Variants in FAM151B observed in about 807,000 individuals in gnomAD.
FAM151B encodes the protein protein FAM151B.
FAM151B carries 24 observed loss-of-function variants against 31.2 expected under a neutral mutation model. The observed-to-expected ratio is 0.77, with a 90% CI of 0.56 to 1.08. The LOEUF (loss-of-function observed/expected upper bound fraction) is 1.08. Among genes scored for constraint, FAM151B ranks in the 50% least tolerant of loss-of-function variants. FAM151B has a pLI of 0.00. For missense variants in FAM151B, 293 were observed against 328.6 expected (o/e 0.89, Z 0.84); for synonymous variants, 105 against 111.4 (o/e 0.94, Z 0.36).
At chr5:80,529,806 G>A (rs1365151235) in intron 5 of FAM151B, among the ~76,000 whole-genome samples, 3 of 144,388 alleles carry the variant, frequency 2.1e-5, no homozygotes, top group Admixed American at 6.8e-5. Flanking sequence ...TCTACCAGAG[G>A]TACAAAGAGG....
chr5:80,497,730 G>T (rs186164860), intron 1 of FAM151B, among the ~76,000 whole-genome samples: 1 of 149,810 alleles, frequency 6.7e-6, no homozygotes, highest in Admixed American at 6.7e-5. Flanking sequence ...AATTCTGAAT[G>T]CAGTATGTTT....
At position 80,522,066 on chromosome 5, in the gene FAM151B, C is replaced by T. The variant is rs945619450; in HGVS notation, c.599C>T (p.Thr200Met). Residue 200 changes from threonine to methionine, a missense_variant, in exon 5 of 6, where the codon ACG (threonine) becomes ATG (methionine). Coordinates refer to ENST00000282226, the MANE Select transcript of FAM151B (RefSeq NM_205548.3). ...YICNELSQPVTFPVRAALVRQ... is the reference protein window; with the variant it reads ...YICNELSQPVMFPVRAALVRQ... ...TGTAATGAACTAAGTCAGCCTGTAACGTTCCCTGTCAGAGCAGCATTAGTC... is the reference window on the plus strand; with the variant it reads ...TGTAATGAACTAAGTCAGCCTGTAATGTTCCCTGTCAGAGCAGCATTAGTC... The T allele has an allele frequency of 4.3e-6, 7 of 1,612,418 alleles. No individual in the cohort carries two copies. The highest frequency in any genetic ancestry group is 2.7e-5 in the African/African-American group (2 of 74,872).
chr5:80,527,814 C>A (rs941651692), intron 5 of FAM151B, among the ~76,000 whole-genome samples: 1 of 152,082 alleles, frequency 6.6e-6, no homozygotes, highest in Non-Finnish European at 1.5e-5. Flanking sequence ...TGTACTTAGA[C>A]CATATTAAAT....
rs1199004601 is a variant in FAM151B, at chr5:80,538,444, C to A, written c.672-3229C>A. On this transcript the variant is annotated intron_variant, in intron 5 of 5. Coordinates refer to ENST00000282226, the MANE Select transcript of FAM151B (RefSeq NM_205548.3). ...TCTTTCTTTCTTTCTTTCTTTCTTT[C>A]TTTCTCTTTCTTTCTTTCTTTCTTT... Among the ~76,000 whole-genome samples the A allele has an allele frequency of 7.0e-4, 38 of 54,420 alleles. 1 individual carries two copies. Among genetic ancestry groups the A allele is most frequent in the Non-Finnish European group, 1.0e-4 (3 of 29,448 alleles). 35.7% of individuals were successfully genotyped at this position (54,420 alleles called of 152,430 possible).
intron 5 of FAM151B, among the ~76,000 whole-genome samples, chr5:80,538,468 T>TCTCTCTCTCTCTC (rs1561383757): frequency 1.7e-5 from 2 of 115,244 alleles, no homozygotes; most frequent in Non-Finnish European, 3.6e-5. Context: ...CTTTCTTTCT[T>TCTCTCTCTCTCTC]TCTTTCTTTC....
chr5:80,515,495 A>G (rs1744397178), intron 3 of FAM151B, among the ~76,000 whole-genome samples: 1 of 152,088 alleles, frequency 6.6e-6, no homozygotes, highest in Non-Finnish European at 1.5e-5. Context: ...GATCTCCTTG[A>G]TGTCACGTGC....
At chr5:80,529,984 C>T (rs2112661237) in intron 5 of FAM151B, among the ~76,000 whole-genome samples, 1 of 125,574 alleles carries the variant, frequency 8.0e-6, no homozygotes, top group East Asian at 1.9e-4. Flanking sequence ...CAAAAATCCT[C>T]AATAAAATAC....
At chr5:80,541,098 A>G (rs1745865573) in intron 5 of FAM151B, among the ~76,000 whole-genome samples, 1 of 152,236 alleles carries the variant, frequency 6.6e-6, no homozygotes, top group African/African-American at 2.4e-5. Flanking sequence ...TCTATAATGA[A>G]TTTACATAGG....
chr5:80,535,801 A>G (rs1015588954), intron 5 of FAM151B, among the ~76,000 whole-genome samples: 6 of 152,218 alleles, frequency 3.9e-5, no homozygotes, highest in African/African-American at 1.4e-4. Context: ...GTGAAGAAAC[A>G]ATGTACAGAA....
In FAM151B at chr5:80,519,620, C is replaced by T. The variant is rs1487326196; in HGVS notation, c.318-73C>T. 3.3e-6 allele frequency: 4 copies of T among 1,223,144 alleles called. No individual in the cohort carries two copies. In the African/African-American group the frequency reaches 4.5e-5, roughly 14 times the overall value. 75.8% of individuals were successfully genotyped at this position (1,223,144 alleles called of 1,614,324 possible). On this transcript the variant is annotated intron_variant, in intron 3 of 5. Transcript: ENST00000282226. ...GATTATGAATTTGAGAACATTGAGA[C>T]CACTAGTCTAAAAGAACTTCTTTTT...
At chr5:80,495,574 T>TA (rs1468924152) in intron 1 of FAM151B, among the ~76,000 whole-genome samples, 1 of 152,188 alleles carries the variant, frequency 6.6e-6, no homozygotes, top group East Asian at 1.9e-4. Context: ...CTCATGCCTA[T>TA]AATCCCAGCA....
chr5:80,509,908 G>A (rs1744116608), intron 2 of FAM151B, among the ~76,000 whole-genome samples: 1 of 152,092 alleles, frequency 6.6e-6, no homozygotes, highest in Admixed American at 6.6e-5. Flanking sequence ...TACCACTATG[G>A]AAAACAATAA....
intron 1 of FAM151B, among the ~76,000 whole-genome samples, chr5:80,494,816 C>A (rs148242606): frequency 2.6e-5 from 4 of 152,158 alleles, no homozygotes; most frequent in Non-Finnish European, 5.9e-5. Context: ...GCAGGGCCAA[C>A]AATAGATTGT....
rs545103725 is a variant in FAM151B, at chr5:80,495,826, G to A, written c.26-5966G>A. On this transcript the variant is annotated intron_variant, in intron 1 of 5. Transcript: ENST00000282226. ...AGCCTGGGCGAAAGAGCGAGACTCCGTCTCAAAAAAAAAAAAAAAAAAAAA... is the reference window on the plus strand; with the variant it reads ...AGCCTGGGCGAAAGAGCGAGACTCCATCTCAAAAAAAAAAAAAAAAAAAAA... Among the ~76,000 whole-genome samples the A allele has an allele frequency of 1.0e-4, 7 of 69,594 alleles. No individual in the cohort carries two copies. In the East Asian group the frequency reaches 1.3e-3, roughly 13 times the overall value. 45.7% of individuals were successfully genotyped at this position (69,594 alleles called of 152,430 possible).
intron 5 of FAM151B, among the ~76,000 whole-genome samples, chr5:80,527,072 A>G (rs1051613300): frequency 1.7e-4 from 26 of 152,166 alleles, no homozygotes; most frequent in Non-Finnish European, 3.4e-4. Flanking sequence ...TTCTGCAAAG[A>G]TCCTGCAGAA....
intron 5 of FAM151B, 126 bp downstream of exon 5, chr5:80,522,264 T>G: frequency 9.8e-7 from 1 of 1,019,996 alleles, no homozygotes; most frequent in Non-Finnish European, 1.4e-6. Context: ...GAATGAAAAC[T>G]GATGATATAA....
At chr5:80,533,118 C>T (rs1344377108) in intron 5 of FAM151B, among the ~76,000 whole-genome samples, 1 of 152,196 alleles carries the variant, frequency 6.6e-6, no homozygotes, top group Non-Finnish European at 1.5e-5. Flanking sequence ...TGGCTCACAC[C>T]TGTAATCCCA....
At chr5:80,497,392 G>C (rs1339065557) in intron 1 of FAM151B, among the ~76,000 whole-genome samples, 1 of 148,734 alleles carries the variant, frequency 6.7e-6, no homozygotes, top group East Asian at 2.0e-4. Flanking sequence ...TCCAGCCTGA[G>C]TGACAGAGCA....
intron 1 of FAM151B, among the ~76,000 whole-genome samples, chr5:80,494,231 A>C (rs775463590): frequency 2.6e-5 from 4 of 152,218 alleles, no homozygotes; most frequent in Admixed American, 1.3e-4. Context: ...GACTGTGAGA[A>C]GTGCAGAAGC....
Sources: gnomAD v4.1 joint callset for allele counts (sites outside exome capture counted in the v4.1 genomes callset) on GRCh38, gnomAD v4.1.1 for gene constraint, MANE v1.5 for transcripts, NCBI Gene and HGNC (gene_info 2026-07-23, HGNC 2026-07-21) for gene names.